The following CFAP58 variants were observed in gnomAD, a reference collection of about 807,000 sequenced individuals.
CFAP58 encodes cilia and flagella associated protein 58, also known as cilia- and flagella-associated protein 58.
CFAP58 carries 88 observed loss-of-function variants against 119.5 expected under a neutral mutation model. That is an observed-to-expected ratio of 0.74 (90% CI 0.62 to 0.88). The LOEUF (loss-of-function observed/expected upper bound fraction) is 0.88, where lower values mean the gene tolerates loss of function less well. Ranked by LOEUF, CFAP58 falls within the 40% of genes least tolerant of loss-of-function variation. The pLI is 0.00. For synonymous variants in CFAP58, 365 were observed against 366.3 expected, an observed-to-expected ratio of 1.00 and a Z score of 0.04; for missense variants, 990 against 1,021.2, an observed-to-expected ratio of 0.97 and a Z score of 0.42.
chr10:104,357,000 T>C (rs1387408573), intron 1 of CFAP58, among the ~76,000 whole-genome samples: 1 of 152,224 alleles, frequency 6.6e-6, no homozygotes, highest in African/African-American at 2.4e-5. Context: ...ATTTGTTTGC[T>C]AGAGCAGCCA....
chr10:104,443,119 G>T (rs974671021), intron 15 of CFAP58, among the ~76,000 whole-genome samples: 3 of 152,284 alleles, frequency 2.0e-5, no homozygotes, highest in South Asian at 2.1e-4. Flanking sequence ...GGCCTTAAAG[G>T]CTCAAAATTC....
chr10:104,350,059 A>G (rs1305437646), upstream of CFAP58, among the ~76,000 whole-genome samples: 5 of 152,174 alleles, frequency 3.3e-5, no homozygotes, highest in African/African-American at 7.2e-5. Flanking sequence ...TGCTTACTAT[A>G]TCCTGTCTCG....
chr10:104,414,827 G>T lies in CFAP58; in HGVS notation c.2256+8034G>T, dbSNP rs182164952. Among the ~76,000 whole-genome samples the T allele has an allele frequency of 9.0e-3, 1,375 of 152,162 alleles. 23 individuals are homozygous for T. Among genetic ancestry groups the T allele is most frequent in the African/African-American group, 0.032 (1,308 of 41,506 alleles). On this transcript the variant is annotated intron_variant, in intron 15 of 17. Coordinates refer to ENST00000369704, the MANE Select transcript of CFAP58 (RefSeq NM_001008723.2). ...TGGGACTACAGGCGCCTGCCACCGCGCCCGGCTAATTTTTTTTGTATTTTT... is the reference window on the plus strand; with the variant it reads ...TGGGACTACAGGCGCCTGCCACCGCTCCCGGCTAATTTTTTTTGTATTTTT...
intron 10 of CFAP58, among the ~76,000 whole-genome samples, chr10:104,393,001 T>C (rs1042185786): frequency 3.3e-5 from 5 of 152,242 alleles, no homozygotes; most frequent in African/African-American, 1.2e-4. Context: ...CAGCATACTC[T>C]TGAATTCCAG....
Position 104,399,216 on chromosome 10 carries a change from G to T in CFAP58, c.1675-144G>T, listed in dbSNP as rs955435102. The stretch of plus-strand genomic sequence containing the variant: ...TGTGTGTGTGTTGTAAGCTTGTTTT[G>T]CTTGTGAGAGTGATCAAACTGTGTT... On this transcript the variant is annotated intron_variant, in intron 11 of 17. Transcript: ENST00000369704. The T allele has an allele frequency of 7.1e-5, 49 of 694,762 alleles. No homozygotes were observed. The Middle Eastern group carries it at 1.8e-3, about 25-fold the overall frequency. The allele number at this position is 694,762 out of a possible 1,614,324, so 43.0% of individuals were successfully genotyped here.
At chr10:104,433,550 G>A (rs780518471) in intron 15 of CFAP58, among the ~76,000 whole-genome samples, 5 of 152,290 alleles carry the variant, frequency 3.3e-5, no homozygotes, top group Non-Finnish European at 4.4e-5. Flanking sequence ...GCTCAGATCA[G>A]GGAGTGACAG....
intron 6 of CFAP58, among the ~76,000 whole-genome samples, chr10:104,369,736 C>T (rs1293904916): frequency 6.6e-6 from 1 of 152,166 alleles, no homozygotes; most frequent in African/African-American, 2.4e-5. Context: ...TAATGGGATT[C>T]AGCCTCTAGC....
intron 9 of CFAP58, among the ~76,000 whole-genome samples, chr10:104,388,330 A>G (rs1261264004): frequency 2.6e-5 from 4 of 152,200 alleles, no homozygotes. Context: ...ACTATATGCT[A>G]AGTACTTATA....
intron 7 of CFAP58, among the ~76,000 whole-genome samples, chr10:104,376,452 G>A (rs2011664088): frequency 1.4e-5 from 2 of 146,842 alleles, no homozygotes; most frequent in South Asian, 2.2e-4. Context: ...TTGTAGAGCC[G>A]AGATTGTGCC....
At chr10:104,348,627 A>T in the CFAP58 span, among the ~76,000 whole-genome samples, 1 of 152,172 alleles carries the variant, frequency 6.6e-6, no homozygotes, top group African/African-American at 2.4e-5. Context: ...TTTAGTGTCC[A>T]CAAGTACCTG....
At chr10:104,358,767 ATT>A in intron 2 of CFAP58, 145 bp downstream of exon 2, 2 of 650,240 alleles carry the variant, frequency 3.1e-6, no homozygotes. Flanking sequence ...AATAATGTTC[ATT>A]TTCAAAGAAA....
At chr10:104,447,511 G>C (rs1411711) in intron 15 of CFAP58, among the ~76,000 whole-genome samples, 187 bp from the exon 16 acceptor site, 76,051 of 151,878 alleles carry the variant, frequency 0.5, 19,120 homozygotes, top group African/African-American at 0.51. Context: ...AAATGTTGGG[G>C]ACATTCCCAG....
chr10:104,398,681 A>G (rs1325772933), intron 11 of CFAP58, among the ~76,000 whole-genome samples: 8 of 152,212 alleles, frequency 5.3e-5, no homozygotes, highest in African/African-American at 1.4e-4. Context: ...TTGACCTCCC[A>G]TAATATCGAT....
At chr10:104,439,314 A>G (rs2012994890) in intron 15 of CFAP58, among the ~76,000 whole-genome samples, 1 of 152,184 alleles carries the variant, frequency 6.6e-6, no homozygotes, top group Non-Finnish European at 1.5e-5. Flanking sequence ...ACATAATAAA[A>G]ATTTAAGAAA....
chr10:104,443,313 C>G (rs2013068031), intron 15 of CFAP58, among the ~76,000 whole-genome samples: 1 of 152,158 alleles, frequency 6.6e-6, no homozygotes, highest in Admixed American at 6.5e-5. Flanking sequence ...GGAGTGAAGG[C>G]AAGATGGAAT....
intron 15 of CFAP58, among the ~76,000 whole-genome samples, chr10:104,447,125 G>T (rs1589939446): frequency 6.6e-6 from 1 of 151,404 alleles, no homozygotes; most frequent in East Asian, 1.9e-4. Context: ...AAGTAGCTGG[G>T]ACTACAGGCA....
Position 104,359,827 on chromosome 10 carries a change from A to C in CFAP58, c.291+1205A>C, listed in dbSNP as rs180951038. Reference sequence around the variant, plus strand: ...CAAAACAAAATAAAACAAAAAACCCAAAACAAACAAAAAAACAAAATCTGG... The same window carrying C: ...CAAAACAAAATAAAACAAAAAACCCCAAACAAACAAAAAAACAAAATCTGG... On this transcript the variant is annotated intron_variant, in intron 2 of 17. Coordinates refer to ENST00000369704, the MANE Select transcript of CFAP58 (RefSeq NM_001008723.2). Among the ~76,000 whole-genome samples the C allele has an allele frequency of 2.3e-3, 350 of 152,308 alleles. 2 individuals carry two copies. Among genetic ancestry groups the C allele is most frequent in the Non-Finnish European group, 3.7e-3 (251 of 68,014 alleles).
At chr10:104,342,668 A>G in the CFAP58 span, among the ~76,000 whole-genome samples, 1 of 71,188 alleles carries the variant, frequency 1.4e-5, no homozygotes, top group East Asian at 2.4e-4. Context: ...CGTCTATACA[A>G]AAAAAAAAAA....
intron 15 of CFAP58, among the ~76,000 whole-genome samples, chr10:104,407,165 A>G (rs982170483): frequency 2.6e-5 from 4 of 152,258 alleles, no homozygotes; most frequent in African/African-American, 9.6e-5. Flanking sequence ...CATAGAGCAC[A>G]AATGATCTGT....
Sources: gnomAD v4.1 joint callset for allele counts (sites outside exome capture counted in the v4.1 genomes callset) on GRCh38, gnomAD v4.1.1 for gene constraint, MANE v1.5 for transcripts, NCBI Gene and HGNC (gene_info 2026-07-23, HGNC 2026-07-21) for gene names.